Variants in PTPRM observed in about 807,000 individuals in gnomAD.
The protein encoded by PTPRM is protein tyrosine phosphatase receptor type M.
Under a neutral mutation model 186.7 loss-of-function variants are expected in PTPRM, and 47 were observed. The observed-to-expected ratio is 0.25, with a 90% CI of 0.20 to 0.32. The LOEUF (loss-of-function observed/expected upper bound fraction) is 0.32. Ranked by LOEUF, PTPRM falls within the 10% of genes least tolerant of loss-of-function variation. PTPRM has a pLI of 1.00. For missense variants in PTPRM, 1,494 were observed against 1,865.0 expected (o/e 0.80, Z 3.66); for synonymous variants, 668 against 674.9 (o/e 0.99, Z 0.16).
At chr18:8,137,842 T>C (rs973464340) in intron 13 of PTPRM, among the ~76,000 whole-genome samples, 2 of 152,012 alleles carry the variant, frequency 1.3e-5, no homozygotes, top group Non-Finnish European at 2.9e-5. Flanking sequence ...GAGCCCTCCC[T>C]CATCCCCTCC....
At chr18:8,071,400 T>C (rs1050717812) in intron 8 of PTPRM, among the ~76,000 whole-genome samples, 3 of 152,232 alleles carry the variant, frequency 2.0e-5, no homozygotes, top group African/African-American at 2.4e-5. Context: ...CTGAAATTTC[T>C]ATAATTGTTT....
intron 7 of PTPRM, among the ~76,000 whole-genome samples, chr18:8,002,578 T>C (rs181076735): frequency 3.5e-4 from 54 of 152,350 alleles, no homozygotes; most frequent in African/African-American, 1.3e-3. Context: ...CGTATTCTCC[T>C]GTGTCCGTGA....
intron 20 of PTPRM, among the ~76,000 whole-genome samples, chr18:8,313,750 C>A (rs773201135): frequency 6.6e-6 from 1 of 152,188 alleles, no homozygotes; most frequent in Non-Finnish European, 1.5e-5. Flanking sequence ...CCTTCTCCCC[C>A]TTTCCCCTGA....
rs1451842672 is a variant in PTPRM, at chr18:8,176,249, G to A, written c.2300+32470G>A. Among the ~76,000 whole-genome samples, 11 of 151,818 alleles carry A rather than the reference G, an allele frequency of 7.2e-5. No individual in the cohort carries two copies. In the South Asian group the frequency reaches 8.4e-4, roughly 12 times the overall value. Reference sequence around the variant, plus strand: ...AGAGAGTACAGTTAGACATAATATCGAAGTTATTTTTGGAAACAAGCTAAC... The same window carrying A: ...AGAGAGTACAGTTAGACATAATATCAAAGTTATTTTTGGAAACAAGCTAAC... On this transcript the variant is annotated intron_variant, in intron 14 of 32. Transcript: ENST00000580170.
intron 1 of PTPRM, among the ~76,000 whole-genome samples, chr18:7,727,025 G>T (rs764502357): frequency 1.3e-5 from 2 of 151,940 alleles, no homozygotes; most frequent in Admixed American, 6.6e-5. Flanking sequence ...CAATAGTTTT[G>T]TTGTTCTTTG....
intron 13 of PTPRM, among the ~76,000 whole-genome samples, chr18:8,141,420 G>A (rs140027163): frequency 1.3e-5 from 2 of 152,270 alleles, no homozygotes; most frequent in East Asian, 3.9e-4. Flanking sequence ...AAAAGTCAGT[G>A]CTAAGAAATG....
chr18:8,406,054 C>A, intron 32 of PTPRM, 55 bp from the exon 33 acceptor site: 1 of 1,503,312 alleles, frequency 6.7e-7, no homozygotes, highest in Non-Finnish European at 9.3e-7. Context: ...AATTGCTTTA[C>A]TAGGAACAGC....
chr18:7,842,897 A>G (rs1382009596), intron 2 of PTPRM, among the ~76,000 whole-genome samples: 1 of 136,988 alleles, frequency 7.3e-6, no homozygotes, highest in African/African-American at 2.9e-5. Flanking sequence ...GTATATATAT[A>G]TATGTTTCTC....
rs2050846330 is a variant in PTPRM at position 7,921,272 on chromosome 18, TCA to T, written c.548-5295_548-5294del. 3.9e-5 allele frequency among the ~76,000 whole-genome samples: 6 copies of T among 152,266 alleles called. No individual in the cohort carries two copies. In the South Asian group the frequency reaches 1.0e-3, roughly 26 times the overall value. ...ATTTTGTAGATAATCTTTTTCCTTT[TCA>T]TTTTTTTCTTTTTGCCTCTCTGGCT... On this transcript the variant is annotated intron_variant, in intron 4 of 32. Coordinates refer to ENST00000580170, the MANE Select transcript of PTPRM (RefSeq NM_001105244.2).
At position 8,305,980 on chromosome 18, in the gene PTPRM, C is replaced by T. The variant is rs568432758; in HGVS notation, c.2843-8801C>T. On this transcript the variant is annotated intron_variant, in intron 20 of 32. Coordinates refer to ENST00000580170, the MANE Select transcript of PTPRM (RefSeq NM_001105244.2). ...TGGTGCGATCTCAGCTCACTGCGGC[C>T]TCTGCCTCCTGGGTTCAAGTGATTC... is the stretch of plus-strand genomic sequence containing the variant. Among the ~76,000 whole-genome samples the T allele has an allele frequency of 6.6e-5, 10 of 152,104 alleles. No individual in the cohort carries two copies. The East Asian group carries it at 1.7e-3, about 26-fold the overall frequency.
At chr18:7,633,096 T>G (rs940648483) in intron 1 of PTPRM, among the ~76,000 whole-genome samples, 1 of 152,150 alleles carries the variant, frequency 6.6e-6, no homozygotes, top group Non-Finnish European at 1.5e-5. Context: ...GTGCTCCTTT[T>G]CTTCATTCAT....
At chr18:8,403,428 C>G (rs779354160) in intron 32 of PTPRM, 5 of 152,062 alleles carry the variant, frequency 3.3e-5, no homozygotes, top group Non-Finnish European at 5.9e-5. Context: ...GTATAACATT[C>G]GATTGTAATC....
chr18:8,171,309 G>C lies in PTPRM; in HGVS notation c.2300+27530G>C, dbSNP rs141874846. On this transcript the variant is annotated intron_variant, in intron 14 of 32. Coordinates refer to ENST00000580170, the MANE Select transcript of PTPRM (RefSeq NM_001105244.2). ...AATGTCTCAGCAGCAAATGGGCTGT[G>C]TGGCATGCTACAGCCACAGCCTGCT... Among the ~76,000 whole-genome samples, 786 of 152,324 alleles carry C rather than the reference G, an allele frequency of 5.2e-3. 1 individual carries two copies. Among genetic ancestry groups the C allele is most frequent in the Non-Finnish European group, 7.9e-3 (538 of 68,036 alleles).
chr18:8,040,131 C>T (rs1345496942), intron 7 of PTPRM, among the ~76,000 whole-genome samples: 1 of 152,078 alleles, frequency 6.6e-6, no homozygotes, highest in Non-Finnish European at 1.5e-5. Flanking sequence ...TGGATGCATC[C>T]CATGTGAAGA....
chr18:7,739,126 G>GCACT (rs1248460600), intron 1 of PTPRM, among the ~76,000 whole-genome samples: 1 of 140,612 alleles, frequency 7.1e-6, no homozygotes, highest in Non-Finnish European at 1.5e-5. Context: ...AGAGAAGATG[G>GCACT]CACTCAAAAA....
At chr18:7,853,031 C>A (rs2046941139) in intron 2 of PTPRM, among the ~76,000 whole-genome samples, 1 of 151,948 alleles carries the variant, frequency 6.6e-6, no homozygotes, top group Admixed American at 6.6e-5. Context: ...CGGAAAATAC[C>A]ACCCTTTTAA....
chr18:8,330,022 C>T (rs536350108), intron 22 of PTPRM, among the ~76,000 whole-genome samples: 2 of 152,176 alleles, frequency 1.3e-5, no homozygotes, highest in African/African-American at 4.8e-5. Flanking sequence ...AGGCTGGTCT[C>T]AAACTCCTGG....
chr18:8,133,251 A>G (rs541071483), intron 13 of PTPRM, among the ~76,000 whole-genome samples: 16 of 152,292 alleles, frequency 1.1e-4, no homozygotes, highest in African/African-American at 3.8e-4. Context: ...TGCAGAGGAC[A>G]TTCAAACCAC....
At chr18:7,769,886 T>A (rs555006101) in intron 1 of PTPRM, among the ~76,000 whole-genome samples, 2 of 152,244 alleles carry the variant, frequency 1.3e-5, no homozygotes, top group South Asian at 4.1e-4. Flanking sequence ...CGTGTGTGTG[T>A]GAGAGACAGC....
Sources: allele counts gnomAD v4.1 joint callset (sites outside exome capture counted in the v4.1 genomes callset), GRCh38; gene constraint gnomAD v4.1.1; transcripts MANE v1.5; gene names NCBI Gene and HGNC (gene_info 2026-07-23, HGNC 2026-07-21).